The following HAP1 variants were observed in gnomAD, a reference collection of about 807,000 sequenced individuals.
HAP1 encodes the protein huntingtin-associated protein 1.
A neutral mutation model predicts 60.3 loss-of-function variants in HAP1; 59 were observed. The ratio of observed to expected loss-of-function variants is 0.98; its 90% CI spans 0.79 to 1.22. HAP1 has a LOEUF of 1.22. Ranked by LOEUF, HAP1 falls within the 50% of genes most tolerant of loss-of-function variation. HAP1 has a pLI of 0.00. For missense variants in HAP1, 825 were observed against 785.3 expected, an observed-to-expected ratio of 1.05 and a Z score of -0.60; for synonymous variants, 346 against 330.6, an observed-to-expected ratio of 1.05 and a Z score of -0.50.
chr17:41,728,814 G>A (rs1450678662), intron 6 of HAP1, among the ~76,000 whole-genome samples: 1 of 152,200 alleles, frequency 6.6e-6, no homozygotes, highest in Non-Finnish European at 1.5e-5. Flanking sequence ...ACTGGGACGG[G>A]GAGGGCCCAG....
At chr17:41,728,723 G>A (rs1359905062) in intron 6 of HAP1, among the ~76,000 whole-genome samples, 1 of 152,152 alleles carries the variant, frequency 6.6e-6, no homozygotes, top group African/African-American at 2.4e-5. Context: ...TAAGACCACA[G>A]GGCAAGTGAA....
chr17:41,721,415 A>G (rs1421572076), downstream of HAP1: 1 of 152,894 alleles, frequency 6.5e-6, no homozygotes, highest in Non-Finnish European at 1.5e-5. Flanking sequence ...GGACTTGAAG[A>G]TAACAGGGGC....
intron 9 of HAP1, among the ~76,000 whole-genome samples, chr17:41,726,367 T>TCATACCATTG (rs2143202809): frequency 7.0e-6 from 1 of 142,614 alleles, no homozygotes; most frequent in Non-Finnish European, 1.5e-5. Flanking sequence ...TAAGCCGAGA[T>TCATACCATTG]CACGCCAACC....
chr17:41,719,119 T>G (rs375978393), downstream of HAP1, among the ~76,000 whole-genome samples: 2 of 152,018 alleles, frequency 1.3e-5, no homozygotes, highest in East Asian at 1.9e-4. Context: ...GCTGGGATTA[T>G]AGGCAGGCAC....
Position 41,723,309 on chromosome 17 carries a change from CCAA to C in HAP1, c.*1389_*1391del, listed in dbSNP as rs1261239599. ...GTCCCTGAAGACGTTGGAAAAGCCT[CCAA>C]CATGTGGGAAAGGGCAGAACATGGA... On this transcript the variant is annotated 3_prime_UTR_variant, in exon 11 of 11. Transcript: ENST00000347901. The C allele has an allele frequency of 1.3e-5, 2 of 152,644 alleles. No individual in the cohort carries two copies. The highest frequency in any genetic ancestry group is 2.9e-5 in the Non-Finnish European group (2 of 68,090). The allele number at this position is 152,644 out of a possible 1,614,324, so 9.5% of individuals were successfully genotyped here. A position where few individuals can be genotyped will look rare whatever the true frequency, so the allele number is the denominator to read the frequency against.
At position 41,724,993 on chromosome 17, in the gene HAP1, T is replaced by TCAGCCGGCACCTTCTTGG; in HGVS notation, c.1550_1567dup (p.Ala517_Ala522dup). On this transcript the variant is annotated inframe_insertion, in exon 11 of 11. Transcript: ENST00000347901. Reference sequence around the variant, plus strand: ...CTCTGCCTCTTCCATCACCCCTTCCTCAGCCGGCACCTTCTTGGCAGCCCC... The same window carrying TCAGCCGGCACCTTCTTGG: ...CTCTGCCTCTTCCATCACCCCTTCCTCAGCCGGCACCTTCTTGGCAGCCGGCACCTTCTTGGCAGCCCC... 6.2e-7 allele frequency: 1 copy of TCAGCCGGCACCTTCTTGG among 1,612,620 alleles called. No individual in the cohort carries two copies. Among genetic ancestry groups the TCAGCCGGCACCTTCTTGG allele is most frequent in the Admixed American group, 1.7e-5 (1 of 59,984 alleles).
downstream of HAP1, among the ~76,000 whole-genome samples, chr17:41,720,187 CTTTA>C (rs377480642): frequency 0.034 from 5,106 of 150,450 alleles, 276 homozygotes; most frequent in African/African-American, 0.12. Context: ...CCGCGCCCAG[CTTTA>C]TTTATTTATT....
chr17:41,731,670 G>C lies in HAP1; in HGVS notation c.970C>G (p.Leu324Val), dbSNP rs1256405363. The C allele has an allele frequency of 6.2e-7, 1 of 1,613,886 alleles. No individual in the cohort carries two copies. The highest frequency in any genetic ancestry group is 1.3e-5 in the African/African-American group (1 of 74,920). ...LEALQEKLRL[L>V]EEENHQLREE... ...CTCAGCTGATGATTCTCCTCCTCCA[G>C]CAGCCTCAGCTTCTCCTGCAAGGCT... The change falls in exon 5 of 11, where the codon CTG (leucine) becomes GTG (valine). Residue 324 changes from leucine to valine, a missense_variant. Physicochemically the swap from Leu to Val is conservative, Grantham distance 32. Transcript: ENST00000347901.
At position 41,723,150 on chromosome 17, in the gene HAP1, T is replaced by A. The variant is rs1911328122; in HGVS notation, c.*1551A>T. On this transcript the variant is annotated 3_prime_UTR_variant, in exon 11 of 11. Coordinates refer to ENST00000347901, the MANE Select transcript of HAP1 (RefSeq NM_177977.3). ...CCGGTGGAAGCTGGGCCCTGTTCCCTGCTCAGGGCTGAGTCTGGTAGCCAG... is the reference window on the plus strand; with the variant it reads ...CCGGTGGAAGCTGGGCCCTGTTCCCAGCTCAGGGCTGAGTCTGGTAGCCAG... 1 of 152,290 alleles carries A rather than the reference T, an allele frequency of 6.6e-6. No individual in the cohort carries two copies. The highest frequency in any genetic ancestry group is 2.1e-4 in the South Asian group (1 of 4,822). 9.4% of individuals were successfully genotyped at this position (152,290 alleles called of 1,614,324 possible). A position where few individuals can be genotyped will look rare whatever the true frequency, so the allele number is the denominator to read the frequency against.
chr17:41,732,493 C>G (rs1912299950), intron 2 of HAP1, 99 bp from the exon 3 acceptor site: 11 of 1,311,242 alleles, frequency 8.4e-6, no homozygotes, highest in Non-Finnish European at 1.2e-5. Flanking sequence ...TGCCATTAAC[C>G]CACTGTGGAA....
At chr17:41,726,797 AG>A (rs1911670529) in intron 9 of HAP1, among the ~76,000 whole-genome samples, 1 of 151,888 alleles carries the variant, frequency 6.6e-6, no homozygotes. Context: ...TGGGAGGCAG[AG>A]GTTGCAGTGA....
chr17:41,733,038 G>T lies in HAP1; in HGVS notation c.470-240C>A, dbSNP rs71367906. Among the ~76,000 whole-genome samples, 64 of 107,216 alleles carry T rather than the reference G, an allele frequency of 6.0e-4. 2 individuals are homozygous for T. Among genetic ancestry groups the T allele is most frequent in the African/African-American group, 1.1e-3 (32 of 28,206 alleles). 70.3% of individuals were successfully genotyped at this position (107,216 alleles called of 152,430 possible). A position where few individuals can be genotyped will look rare whatever the true frequency, so the allele number is the denominator to read the frequency against. On this transcript the variant is annotated intron_variant, in intron 1 of 10. Transcript: ENST00000347901. ...TTTTTAGGTTTTTGGGTTTTTTTTG[G>T]TTTTTTTTTTTTTTGGTTTTTTTTT...
chr17:41,724,751 C>G lies in HAP1; in HGVS notation c.1810G>C (p.Gly604Arg). Residue 604 changes from glycine (G) to arginine (R), a missense_variant, in exon 11 of 11, where the codon GGG (glycine) becomes CGG (arginine). Physicochemically the swap from Gly to Arg is moderately radical, Grantham distance 125 (BLOSUM62 -2). Transcript: ENST00000347901. ...KMLQKGECPHGALPAASRTSC... is the reference protein window; with the variant it reads ...KMLQKGECPHRALPAASRTSC... ...GTCCGGCTGGCGGCAGGGAGGGCCC[C>G]GTGGGGGCACTCACCTTTCTGGAGC... 6.2e-7 allele frequency: 1 copy of G among 1,600,944 alleles called. No individual in the cohort carries two copies.
rs1057085789 is a variant in HAP1 at position 41,731,908 on chromosome 17, G to A, written c.896+29C>T. ...TGAGGAAATTGAGGCTCAGAGAAAG[G>A]ACTTGCAGGTGCAAAGGCAGGAACT... is the stretch of plus-strand genomic sequence containing the variant. On this transcript the variant is annotated intron_variant, in intron 4 of 10. Transcript: ENST00000347901. 3.6e-6 allele frequency: 3 copies of A among 824,194 alleles called. No homozygotes were observed. In the East Asian group the frequency reaches 7.9e-5, roughly 22 times the overall value. 51.1% of individuals were successfully genotyped at this position (824,194 alleles called of 1,614,324 possible). A position where few individuals can be genotyped will look rare whatever the true frequency, so the allele number is the denominator to read the frequency against.
chr17:41,731,917 G>T lies in HAP1; in HGVS notation c.896+20C>A, dbSNP rs1912232906. The T allele has an allele frequency of 1.2e-6, 1 of 833,558 alleles. No homozygotes were observed. 51.6% of individuals were successfully genotyped at this position (833,558 alleles called of 1,614,324 possible). A position where few individuals can be genotyped will look rare whatever the true frequency, so the allele number is the denominator to read the frequency against. ...TGAGGCTCAGAGAAAGGACTTGCAG[G>T]TGCAAAGGCAGGAACTCACAGCTTA... On this transcript the variant is annotated intron_variant, in intron 4 of 10. Transcript: ENST00000347901.
At chr17:41,718,422 C>A (rs1555586394), downstream of HAP1, among the ~76,000 whole-genome samples, 1 of 152,156 alleles carries the variant, frequency 6.6e-6, no homozygotes, top group African/African-American at 2.4e-5. Flanking sequence ...CCTCCCCCGG[C>A]TTCTCCTGCC....
Position 41,734,561 on chromosome 17 carries a change from C to T in HAP1, c.74G>A (p.Cys25Tyr), listed in dbSNP as rs34106519. The change falls in exon 1 of 11, where the codon TGT becomes TAT. Residue 25 changes from cysteine (C) to tyrosine (Y), a missense_variant. By Grantham distance (194) the Cys-to-Tyr change is radical. Transcript: ENST00000347901. Reference sequence around the variant, plus strand: ...GGGACTGGCTGAGGGCGAAGGTGCACAGGTGAGTGCTGCTGGGTCCCCGGG... The same window carrying T: ...GGGACTGGCTGAGGGCGAAGGTGCATAGGTGAGTGCTGCTGGGTCCCCGGG... Reference protein sequence around the residue: ...LGPGDPAALTCAPSPSASPAP... With the variant: ...LGPGDPAALTYAPSPSASPAP... The T allele has an allele frequency of 2.4e-3, 3,782 of 1,605,466 alleles. 55 individuals are homozygous for T. In the African/African-American group the frequency reaches 0.038, roughly 16 times the overall value.
rs188612777 is a variant in HAP1 at position 41,726,274 on chromosome 17, C to T, written c.1368-377G>A. Among the ~76,000 whole-genome samples the T allele has an allele frequency of 5.9e-3, 896 of 151,932 alleles. 5 individuals carry two copies. Among genetic ancestry groups the T allele is most frequent in the African/African-American group, 0.02 (839 of 41,442 alleles). On this transcript the variant is annotated intron_variant, in intron 9 of 10. Transcript: ENST00000347901. The stretch of plus-strand genomic sequence containing the variant: ...ACTAAAAATACAAAAATTAGCCGGG[C>T]GTGGTGATGGCCACCTGTAGTCCCA...
At chr17:41,718,395 G>A (rs782076651), downstream of HAP1, 3 of 164,310 alleles carry the variant, frequency 1.8e-5, no homozygotes, top group Admixed American at 1.2e-4. Flanking sequence ...TCAGGGCTGG[G>A]TCTGGTAGCC....
Sources: gnomAD v4.1 joint callset for allele counts (sites outside exome capture counted in the v4.1 genomes callset) on GRCh38, gnomAD v4.1.1 for gene constraint, MANE v1.5 for transcripts, NCBI Gene and HGNC (gene_info 2026-07-23, HGNC 2026-07-21) for gene names.